Variants in PCDHA6 observed in about 807,000 individuals in gnomAD.
PCDHA6 encodes the protein protocadherin alpha 6, also known as protocadherin alpha-6.
Under a neutral mutation model 60.3 loss-of-function variants are expected in PCDHA6, and 55 were observed. That is an observed-to-expected ratio of 0.91 (90% CI 0.73 to 1.14). The LOEUF (loss-of-function observed/expected upper bound fraction) is 1.14, where lower values mean the gene tolerates loss of function less well. Among genes scored for constraint, PCDHA6 ranks in the 50% most tolerant of loss-of-function variants. The probability of loss-of-function intolerance (pLI) is 0.00; values close to 1 mark genes in which losing one functional copy is unlikely to be tolerated. For missense variants in PCDHA6, 1,327 were observed against 1,256.5 expected, an observed-to-expected ratio of 1.06 and a Z score of -0.85; for synonymous variants, 652 against 557.9, an observed-to-expected ratio of 1.17 and a Z score of -2.38.
intron 1 of PCDHA6, chr5:140,926,719 A>C: frequency 2.0e-6 from 2 of 986,548 alleles, no homozygotes; most frequent in Non-Finnish European, 2.7e-6. Context: ...AGCCCCGGCA[A>C]TGCCGGCGTT....
chr5:140,871,401 G>A (rs1400127439), intron 1 of PCDHA6: 4 of 1,614,086 alleles, frequency 2.5e-6, no homozygotes, highest in South Asian at 1.1e-5. Flanking sequence ...CACCTAAGAC[G>A]GACCTCATGG....
At chr5:140,843,497 C>A in intron 1 of PCDHA6, 1 of 1,596,022 alleles carries the variant, frequency 6.3e-7, no homozygotes, top group Non-Finnish European at 8.6e-7. Context: ...GTGCTCAGCA[C>A]TGCCCACTGA....
At chr5:140,958,294 A>G (rs1324756311) in intron 1 of PCDHA6, among the ~76,000 whole-genome samples, 1 of 152,142 alleles carries the variant, frequency 6.6e-6, no homozygotes, top group African/African-American at 2.4e-5. Context: ...ATATTATTGA[A>G]CTTAATTAAA....
Position 140,828,172 on chromosome 5 carries a change from G to C in PCDHA6, c.81G>C (p.Gly27=). ...TGCTCCTCGCAGCCTGGAAGGTGGGGAGCGGCCAGCTCCACTACTCCGTAC... is the reference window on the plus strand; with the variant it reads ...TGCTCCTCGCAGCCTGGAAGGTGGGCAGCGGCCAGCTCCACTACTCCGTAC... ...PLLLLAAWKV[G]SGQLHYSVPE... The change falls in exon 1 of 4, where the codon GGG becomes GGC. Residue 27 remains glycine (G), a synonymous_variant. Coordinates refer to ENST00000529310, the MANE Select transcript of PCDHA6 (RefSeq NM_018909.4). 3.1e-6 allele frequency: 5 copies of C among 1,614,172 alleles called. No homozygotes were observed. Among genetic ancestry groups the C allele is most frequent in the Non-Finnish European group, 4.2e-6 (5 of 1,180,038 alleles).
At chr5:140,863,381 G>T in intron 1 of PCDHA6, 1 of 1,058,634 alleles carries the variant, frequency 9.4e-7, no homozygotes, top group Non-Finnish European at 1.4e-6. Flanking sequence ...CTCACCGAGA[G>T]CTCGTGCATG....
intron 1 of PCDHA6, chr5:140,877,297 T>C (rs782559386): frequency 6.2e-7 from 1 of 1,613,924 alleles, no homozygotes; most frequent in East Asian, 2.2e-5. Context: ...TTGGCTGTCC[T>C]ACGAGTTGCA....
intron 1 of PCDHA6, among the ~76,000 whole-genome samples, chr5:140,946,411 A>G (rs1554217552): frequency 1.1e-4 from 16 of 151,766 alleles, no homozygotes. Context: ...ATCATAGAAA[A>G]CAATATGGAG....
chr5:140,843,320 G>GGAC, intron 1 of PCDHA6: 1 of 1,596,056 alleles, frequency 6.3e-7, no homozygotes, highest in Non-Finnish European at 8.6e-7. Context: ...CACGGTTCTG[G>GGAC]TGTCGCTGGT....
At chr5:140,953,948 C>T (rs1012464637) in intron 1 of PCDHA6, among the ~76,000 whole-genome samples, 1 of 152,092 alleles carries the variant, frequency 6.6e-6, no homozygotes, top group Non-Finnish European at 1.5e-5. Flanking sequence ...CATTGCTCCC[C>T]CAACAGGCCC....
intron 1 of PCDHA6, chr5:140,850,299 G>T (rs1554144160): frequency 6.3e-7 from 1 of 1,596,494 alleles, no homozygotes; most frequent in African/African-American, 1.3e-5. Context: ...CGCCGACTCG[G>T]GCTACAACGC....
intron 1 of PCDHA6, chr5:140,835,529 C>A (rs2150237591): frequency 1.2e-6 from 2 of 1,613,850 alleles, no homozygotes; most frequent in Admixed American, 1.7e-5. Context: ...TTGGAGTCAA[C>A]GGACAGGTTA....
At chr5:140,913,160 G>T (rs1437493261) in intron 1 of PCDHA6, among the ~76,000 whole-genome samples, 4 of 152,156 alleles carry the variant, frequency 2.6e-5, no homozygotes, top group African/African-American at 9.7e-5. Flanking sequence ...AGTAGGATTG[G>T]TATTAGTTCT....
Position 140,927,187 on chromosome 5 carries a change from C to G in PCDHA6, c.2395-51762C>G, listed in dbSNP as rs558671063. 141 of 1,614,164 alleles carry G rather than the reference C, an allele frequency of 8.7e-5. 1 individual carries two copies. The South Asian group carries it at 1.5e-3, about 17-fold the overall frequency. The stretch of plus-strand genomic sequence containing the variant: ...AGCTGCCTGCGTCTTGACCTACGAC[C>G]TGGTGCTCGAGGACCCGCTGGAGCT... On this transcript the variant is annotated intron_variant, in intron 1 of 3. Transcript: ENST00000529310.
chr5:140,976,615 G>C (rs1264627090), intron 1 of PCDHA6, among the ~76,000 whole-genome samples: 2 of 152,102 alleles, frequency 1.3e-5, no homozygotes, highest in Admixed American at 1.3e-4. Context: ...AAACATGACT[G>C]TCAGCTGAAC....
Position 141,010,074 on chromosome 5 carries a change from G to C in PCDHA6, c.*137G>C. 6.2e-7 allele frequency: 1 copy of C among 1,607,844 alleles called. No homozygotes were observed. Among genetic ancestry groups the C allele is most frequent in the Non-Finnish European group, 8.5e-7 (1 of 1,176,754 alleles). On this transcript the variant is annotated 3_prime_UTR_variant, in exon 4 of 4. Transcript: ENST00000529310. ...CTCAGAAATCTGCAGAAAGTTCCCT[G>C]TGTCTGTCTAGAACGCATTTAACAG...
At chr5:140,944,188 T>A (rs184996) in intron 1 of PCDHA6, among the ~76,000 whole-genome samples, 85,693 of 151,800 alleles carry the variant, frequency 0.56, 24,784 homozygotes, top group African/African-American at 0.69. Context: ...GTTGGTTTGT[T>A]TTGTTTTGTT....
chr5:140,843,146 T>C (rs2150353849), intron 1 of PCDHA6: 3 of 1,596,012 alleles, frequency 1.9e-6, no homozygotes, highest in Admixed American at 3.4e-5. Context: ...GTGGCTTTCG[T>C]ATGAGCTGCA....
chr5:141,007,844 C>T (rs782712601), intron 3 of PCDHA6, among the ~76,000 whole-genome samples: 3 of 152,176 alleles, frequency 2.0e-5, no homozygotes, highest in Non-Finnish European at 4.4e-5. Context: ...ATTAGAGACT[C>T]AAAGTCCTTA....
intron 3 of PCDHA6, among the ~76,000 whole-genome samples, chr5:140,988,142 A>G (rs1017336547): frequency 5.3e-5 from 8 of 152,056 alleles, no homozygotes; most frequent in African/African-American, 1.4e-4. Context: ...AACCTGTTCA[A>G]CCTCAACTTC....
Sources: allele counts gnomAD v4.1 joint callset (sites outside exome capture counted in the v4.1 genomes callset), GRCh38; gene constraint gnomAD v4.1.1; transcripts MANE v1.5; gene names NCBI Gene and HGNC (gene_info 2026-07-23, HGNC 2026-07-21).